The following RAP1A variants were observed in gnomAD, a reference collection of about 807,000 sequenced individuals.
The protein encoded by RAP1A is ras-related protein Rap-1A.
Under a neutral mutation model 26.4 loss-of-function variants are expected in RAP1A, and 6 were observed. The observed-to-expected ratio is 0.23, with a 90% CI of 0.12 to 0.45. The LOEUF is 0.45. Ranked by LOEUF, RAP1A falls within the 20% of genes least tolerant of loss-of-function variation. RAP1A has a pLI of 0.99. For synonymous variants in RAP1A, 73 were observed against 79.4 expected, an observed-to-expected ratio of 0.92 and a Z score of 0.43; for missense variants, 121 against 217.2, an observed-to-expected ratio of 0.56 and a Z score of 2.78.
chr1:111,606,010 G>A (rs1658766969), intron 1 of RAP1A, among the ~76,000 whole-genome samples: 1 of 152,170 alleles, frequency 6.6e-6, no homozygotes, highest in Non-Finnish European at 1.5e-5. Context: ...GGCAAGCTGA[G>A]GGCCCAAATG....
chr1:111,562,035 A>C (rs1657761575), intron 1 of RAP1A, among the ~76,000 whole-genome samples: 1 of 152,094 alleles, frequency 6.6e-6, no homozygotes, highest in Non-Finnish European at 1.5e-5. Context: ...TTAACTTTTC[A>C]ATCTTTTTTC....
At chr1:111,683,571 T>A (rs1385450819) in intron 1 of RAP1A, among the ~76,000 whole-genome samples, 2 of 152,028 alleles carry the variant, frequency 1.3e-5, no homozygotes, top group East Asian at 3.8e-4. Context: ...AAGAAATGGA[T>A]AAATTCCTGG....
intron 1 of RAP1A, among the ~76,000 whole-genome samples, chr1:111,643,094 A>G (rs1394450212): frequency 6.6e-6 from 1 of 152,158 alleles, no homozygotes; most frequent in African/African-American, 2.4e-5. Flanking sequence ...GTAAGGGGCC[A>G]GATAGTAAGT....
intron 1 of RAP1A, among the ~76,000 whole-genome samples, chr1:111,580,631 G>A (rs1381725205): frequency 6.6e-6 from 1 of 152,040 alleles, no homozygotes; most frequent in Non-Finnish European, 1.5e-5. Flanking sequence ...GGCGGATCAC[G>A]AGGTCAGGAG....
At chr1:111,550,879 C>T (rs181991915) in intron 1 of RAP1A, among the ~76,000 whole-genome samples, 1 of 152,262 alleles carries the variant, frequency 6.6e-6, no homozygotes, top group East Asian at 1.9e-4. Context: ...TGTGGCCTGT[C>T]TTATAGTTTA....
At chr1:111,572,102 T>C (rs1397250972) in intron 1 of RAP1A, among the ~76,000 whole-genome samples, 2 of 152,198 alleles carry the variant, frequency 1.3e-5, no homozygotes, top group Non-Finnish European at 2.9e-5. Flanking sequence ...AAGAGACAAC[T>C]GGCAGCAGAA....
chr1:111,570,212 A>G (rs1176093797), intron 1 of RAP1A, among the ~76,000 whole-genome samples: 1 of 152,166 alleles, frequency 6.6e-6, no homozygotes, highest in Admixed American at 6.5e-5. Context: ...ACCAAGCCTC[A>G]GAGGCCACGT....
chr1:111,567,115 A>G (rs1657934037), intron 1 of RAP1A, among the ~76,000 whole-genome samples: 1 of 152,120 alleles, frequency 6.6e-6, no homozygotes, highest in African/African-American at 2.4e-5. Flanking sequence ...AAGAACAGAC[A>G]TAGGCCCCGC....
intron 1 of RAP1A, among the ~76,000 whole-genome samples, chr1:111,584,054 G>T (rs1202191920): frequency 6.6e-6 from 1 of 151,626 alleles, no homozygotes; most frequent in African/African-American, 2.4e-5. Context: ...GCTAGTTTTT[G>T]TATTTTTAGT....
chr1:111,692,806 G>A (rs1661709922), intron 2 of RAP1A, among the ~76,000 whole-genome samples: 3 of 152,158 alleles, frequency 2.0e-5, no homozygotes, highest in African/African-American at 7.2e-5. Context: ...GTAGATACCT[G>A]TAAAATCATA....
At chr1:111,689,116 A>G (rs2101238192) in intron 1 of RAP1A, among the ~76,000 whole-genome samples, 1 of 152,252 alleles carries the variant, frequency 6.6e-6, no homozygotes. Flanking sequence ...GATTACAGGC[A>G]TAAGCTACTG....
intron 1 of RAP1A, among the ~76,000 whole-genome samples, chr1:111,592,894 G>A (rs548847903): frequency 1.3e-5 from 2 of 152,238 alleles, no homozygotes; most frequent in African/African-American, 4.8e-5. Flanking sequence ...AGTGGCTGAA[G>A]AGTAATGAAC....
In RAP1A at chr1:111,635,603, C is replaced by G. The variant is rs545686838; in HGVS notation, c.-28+15669C>G. ...TTTCTGAAACAGTGTCTCACTCTGT[C>G]GCCCAGGGTGGAGTTCAGTGGCTGC... On this transcript the variant is annotated intron_variant, in intron 1 of 7. Transcript: ENST00000369709. Among the ~76,000 whole-genome samples, 52 of 152,158 alleles carry G rather than the reference C, an allele frequency of 3.4e-4. 1 individual carries two copies. The highest frequency in any genetic ancestry group is 8.3e-4 in the South Asian group (4 of 4,826).
intron 1 of RAP1A, among the ~76,000 whole-genome samples, chr1:111,658,062 G>C (rs1024075700): frequency 6.6e-6 from 1 of 151,958 alleles, no homozygotes; most frequent in Admixed American, 6.6e-5. Context: ...TAAATGTTTC[G>C]TGTACACTTG....
rs138675589 is a variant in RAP1A at position 111,645,867 on chromosome 1, G to A, written c.-28+25933G>A. ...TACACTGTTGATCACCCTTGGAGTC[G>A]TGGGTTAGGAGAAAAGGAAGGGAAA... On this transcript the variant is annotated intron_variant, in intron 1 of 7. Transcript: ENST00000369709. Among the ~76,000 whole-genome samples, 610 of 152,274 alleles carry A rather than the reference G, an allele frequency of 4.0e-3. 16 individuals carry two copies. The highest frequency in any genetic ancestry group is 0.036 in the Admixed American group (548 of 15,298).
At chr1:111,578,556 C>T (rs1571480412) in intron 1 of RAP1A, among the ~76,000 whole-genome samples, 1 of 151,892 alleles carries the variant, frequency 6.6e-6, no homozygotes, top group African/African-American at 2.4e-5. Flanking sequence ...TCATAATGTA[C>T]TGGAGTGAGT....
upstream of RAP1A, chr1:111,619,657 C>T (rs190899299): frequency 1.9e-4 from 74 of 391,258 alleles, no homozygotes; most frequent in East Asian, 2.4e-3. Context: ...GTGCGCGGCT[C>T]CTTTAAGCGG....
At chr1:111,681,964 C>A (rs1220221224) in intron 1 of RAP1A, among the ~76,000 whole-genome samples, 1 of 152,200 alleles carries the variant, frequency 6.6e-6, no homozygotes, top group Non-Finnish European at 1.5e-5. Flanking sequence ...ACGTTACCCA[C>A]AAAGGGAAGC....
chr1:111,652,233 C>T (rs1201851871), intron 1 of RAP1A, among the ~76,000 whole-genome samples: 1 of 152,226 alleles, frequency 6.6e-6, no homozygotes, highest in Non-Finnish European at 1.5e-5. Context: ...CTTAGCCTCG[C>T]AAAGTGCTGG....
Sources: allele counts gnomAD v4.1 joint callset (sites outside exome capture counted in the v4.1 genomes callset), GRCh38; gene constraint gnomAD v4.1.1; transcripts MANE v1.5; gene names NCBI Gene and HGNC (gene_info 2026-07-23, HGNC 2026-07-21).